MYO5B: variants seen among roughly 807,000 people sequenced by gnomAD.
MYO5B encodes the protein unconventional myosin-Vb.
In MYO5B, 143 loss-of-function variants were observed where a neutral mutation model predicts 229.3. The ratio of observed to expected loss-of-function variants is 0.62; its 90% confidence interval spans 0.54 to 0.72. The LOEUF is 0.72. Among genes scored for constraint, MYO5B ranks in the 30% least tolerant of loss-of-function variants. The probability of loss-of-function intolerance (pLI) is 0.00; values close to 1 mark genes in which losing one functional copy is unlikely to be tolerated. For missense variants in MYO5B, 2,321 were observed against 2,331.0 expected, an observed-to-expected ratio of 1.00 and a Z score of 0.09; for synonymous variants, 918 against 885.2, an observed-to-expected ratio of 1.04 and a Z score of -0.66.
At chr18:50,119,583 C>T (rs560442372) in intron 1 of MYO5B, among the ~76,000 whole-genome samples, 9 of 152,246 alleles carry the variant, frequency 5.9e-5, no homozygotes, top group South Asian at 2.1e-4. Context: ...AGGGAGATTC[C>T]GGAGCTTTCC....
intron 17 of MYO5B, among the ~76,000 whole-genome samples, chr18:49,915,121 G>A (rs1218901059): frequency 6.6e-6 from 1 of 152,160 alleles, no homozygotes; most frequent in African/African-American, 2.4e-5. Flanking sequence ...ATACCAAAAT[G>A]ACATCTCTCC....
At chr18:50,138,337 C>G (rs2032366762) in intron 1 of MYO5B, among the ~76,000 whole-genome samples, 1 of 152,178 alleles carries the variant, frequency 6.6e-6, no homozygotes, top group Non-Finnish European at 1.5e-5. Context: ...TTCCTTCCTG[C>G]CCTCTTTCCC....
intron 1 of MYO5B, among the ~76,000 whole-genome samples, chr18:50,090,236 G>T (rs2031418983): frequency 6.6e-6 from 1 of 151,890 alleles, no homozygotes; most frequent in South Asian, 2.1e-4. Context: ...CCATCTACAG[G>T]GGAAGCTGAG....
chr18:49,929,515 G>T lies in MYO5B; in HGVS notation c.2087C>A (p.Ser696Tyr). 6.2e-7 allele frequency: 1 copy of T among 1,606,284 alleles called. No homozygotes were observed. ...AGCTGGCGGGCACGTTAGTTACCTG[G>T]ATGGGTAGCCAGCTGCACTGATTCG... Reference protein sequence around the residue: ...TIRISAAGYPSRWAYHDFFNR... With the variant: ...TIRISAAGYPYRWAYHDFFNR... The change falls in exon 17 of 40, where the codon TCC (serine) becomes TAC (tyrosine). Residue 696 changes from serine to tyrosine, a missense_variant. Ser to Tyr is a moderately radical substitution (Grantham distance 144, BLOSUM62 -2). Transcript: ENST00000285039.
At chr18:50,151,103 C>T (rs548135463) in intron 1 of MYO5B, among the ~76,000 whole-genome samples, 13 of 152,326 alleles carry the variant, frequency 8.5e-5, no homozygotes, top group African/African-American at 3.1e-4. Context: ...TCTGGTCCTT[C>T]CCTAAATGTG....
intron 19 of MYO5B, among the ~76,000 whole-genome samples, chr18:49,905,339 C>T (rs2024887469): frequency 6.6e-6 from 1 of 152,152 alleles, no homozygotes; most frequent in Non-Finnish European, 1.5e-5. Flanking sequence ...TCTCCTCAAC[C>T]CTTTCTGCTC....
At chr18:49,971,642 G>T (rs1393958713) in intron 10 of MYO5B, among the ~76,000 whole-genome samples, 1 of 152,188 alleles carries the variant, frequency 6.6e-6, no homozygotes, top group South Asian at 2.1e-4. Flanking sequence ...GTCCACATTT[G>T]TAAAATTTCT....
In MYO5B at chr18:49,877,675, G is replaced by C. The variant is rs1347335525; in HGVS notation, c.3396+88C>G. On this transcript the variant is annotated intron_variant, in intron 25 of 39. Coordinates refer to ENST00000285039, the MANE Select transcript of MYO5B (RefSeq NM_001080467.3). ...GGCACTCTGGTCACCATCAGCAGAA[G>C]AGTAAATTTCTCTTGGACAGTTCCA... 3.2e-6 allele frequency: 5 copies of C among 1,575,494 alleles called. No homozygotes were observed. In the Admixed American group the frequency reaches 6.8e-5, roughly 21 times the overall value.
At chr18:49,937,443 C>A (rs759781253) in intron 14 of MYO5B, 46 bp from the exon 15 acceptor site, 2 of 1,601,074 alleles carry the variant, frequency 1.2e-6, no homozygotes, top group Non-Finnish European at 1.7e-6. Context: ...ATCTCCTGCA[C>A]CTTACATGTT....
chr18:50,000,359 A>C (rs568211023), intron 5 of MYO5B, among the ~76,000 whole-genome samples: 1 of 152,204 alleles, frequency 6.6e-6, no homozygotes, highest in Non-Finnish European at 1.5e-5. Flanking sequence ...GAACTGTCCA[A>C]TTAGAGATGG....
intron 1 of MYO5B, among the ~76,000 whole-genome samples, chr18:50,159,035 G>A (rs2032724476): frequency 6.6e-6 from 1 of 152,176 alleles, no homozygotes; most frequent in Non-Finnish European, 1.5e-5. Flanking sequence ...CATGCATGAA[G>A]ACTAACAACC....
intron 5 of MYO5B, 98 bp downstream of exon 5, chr18:50,001,157 G>A: frequency 6.9e-7 from 1 of 1,457,182 alleles, no homozygotes; most frequent in Non-Finnish European, 9.6e-7. Flanking sequence ...CTCTCAGGGA[G>A]AGGCGTGAAG....
chr18:50,170,336 C>T (rs547793873), intron 1 of MYO5B, among the ~76,000 whole-genome samples: 1 of 127,344 alleles, frequency 7.9e-6, no homozygotes, highest in African/African-American at 3.0e-5. Flanking sequence ...TACATTTTGA[C>T]TTTTGACTAG....
intron 1 of MYO5B, among the ~76,000 whole-genome samples, chr18:50,166,536 C>G (rs1267030066): frequency 6.6e-6 from 1 of 152,114 alleles, no homozygotes; most frequent in Non-Finnish European, 1.5e-5. Flanking sequence ...TTACAGTTGA[C>G]CTTAAAGCAT....
chr18:50,044,252 A>T (rs940407770), intron 2 of MYO5B, among the ~76,000 whole-genome samples: 1 of 152,116 alleles, frequency 6.6e-6, no homozygotes, highest in Non-Finnish European at 1.5e-5. Flanking sequence ...GGAGTGAGAG[A>T]CTTGAGAGCA....
At chr18:50,063,684 C>T (rs749014288) in intron 1 of MYO5B, 10 of 152,136 alleles carry the variant, frequency 6.6e-5, no homozygotes, top group Non-Finnish European at 1.5e-4. Flanking sequence ...AAACAAAAGT[C>T]AATTATAACC....
intron 17 of MYO5B, among the ~76,000 whole-genome samples, chr18:49,913,458 A>C (rs1395012953): frequency 1.3e-5 from 2 of 152,160 alleles, no homozygotes; most frequent in South Asian, 4.2e-4. Flanking sequence ...TTCACTCTAC[A>C]TCCCTCTGAA....
intron 1 of MYO5B, among the ~76,000 whole-genome samples, chr18:50,067,831 T>C (rs1415299614): frequency 2.0e-5 from 3 of 152,248 alleles, no homozygotes; most frequent in Admixed American, 6.5e-5. Flanking sequence ...TTCTATCAAC[T>C]ACCCAGCCTC....
At chr18:49,915,745 C>T (rs1568029736) in intron 17 of MYO5B, among the ~76,000 whole-genome samples, 1 of 152,224 alleles carries the variant, frequency 6.6e-6, no homozygotes, top group South Asian at 2.1e-4. Flanking sequence ...AGCCCTGACC[C>T]ATACTTGAAC....
Sources: gnomAD v4.1 joint callset for allele counts (sites outside exome capture counted in the v4.1 genomes callset) on GRCh38, gnomAD v4.1.1 for gene constraint, MANE v1.5 for transcripts, NCBI Gene and HGNC (gene_info 2026-07-23, HGNC 2026-07-21) for gene names.